FGF2: variants seen among roughly 807,000 people sequenced by gnomAD.
The protein encoded by FGF2 is fibroblast growth factor 2.
A neutral mutation model predicts 15.9 loss-of-function variants in FGF2; 13 were observed. That is an observed-to-expected ratio of 0.82 (90% CI 0.53 to 1.30). The LOEUF (loss-of-function observed/expected upper bound fraction) is 1.30, where lower values mean the gene tolerates loss of function less well. Ranked by LOEUF, FGF2 falls within the 50% of genes most tolerant of loss-of-function variation. FGF2 has a pLI of 0.00. For synonymous variants in FGF2, 90 were observed against 78.4 expected, an observed-to-expected ratio of 1.15 and a Z score of -0.78; for missense variants, 163 against 196.9, an observed-to-expected ratio of 0.83 and a Z score of 1.03.
rs778098774 is a variant in FGF2, at chr4:122,893,008, A to G, written c.*612A>G. 6.2e-7 allele frequency: 1 copy of G among 1,614,164 alleles called. No individual in the cohort carries two copies. Among genetic ancestry groups the G allele is most frequent in the South Asian group, 1.1e-5 (1 of 91,078 alleles). On this transcript the variant is annotated 3_prime_UTR_variant, in exon 3 of 3. Transcript: ENST00000644866. ...TGCTGGTGATGGGAGTTGTATTTTC[A>G]GTCTTCGCCAGGTCATTGAGATCCA...
At chr4:122,833,590 G>A (rs931584693) in intron 1 of FGF2, among the ~76,000 whole-genome samples, 4 of 152,098 alleles carry the variant, frequency 2.6e-5, no homozygotes, top group Non-Finnish European at 5.9e-5. Context: ...CCTTAAGGTA[G>A]GAACCATGAC....
intron 1 of FGF2, among the ~76,000 whole-genome samples, chr4:122,846,160 C>G (rs1027771835): frequency 6.6e-6 from 1 of 152,096 alleles, no homozygotes; most frequent in African/African-American, 2.4e-5. Context: ...AGAACACACA[C>G]GTTTATTAAG....
intron 1 of FGF2, among the ~76,000 whole-genome samples, chr4:122,830,027 T>C (rs1035377609): frequency 6.6e-6 from 1 of 152,220 alleles, no homozygotes; most frequent in Non-Finnish European, 1.5e-5. Context: ...GAAAAATCTA[T>C]GGTCTCATTC....
At chr4:122,844,628 TTTC>T (rs1279083890) in intron 1 of FGF2, among the ~76,000 whole-genome samples, 1 of 151,138 alleles carries the variant, frequency 6.6e-6, no homozygotes, top group South Asian at 2.1e-4. Context: ...TCTTTCTTCC[TTTC>T]TTCCTTTCTT....
Position 122,827,413 on chromosome 4 carries a change from C to T in FGF2, c.178+61C>T. ...TTTCGTGGGTTCTCGCCCGCTCTCT[C>T]CCCTCCAGCCTGCACCCTCCTCCCG... is the stretch of plus-strand genomic sequence containing the variant. On this transcript the variant is annotated intron_variant, in intron 1 of 2. Coordinates refer to ENST00000644866, the MANE Select transcript of FGF2 (RefSeq NM_001361665.2). The surrounding 1 kb of genome is among the most constrained non-coding windows in gnomAD (Gnocchi z 4.2). 1 of 1,569,078 alleles carries T rather than the reference C, an allele frequency of 6.4e-7. No individual in the cohort carries two copies. Among genetic ancestry groups the T allele is most frequent in the East Asian group, 2.3e-5 (1 of 44,386 alleles).
At chr4:122,834,512 T>A (rs1053890049) in intron 1 of FGF2, among the ~76,000 whole-genome samples, 1 of 152,190 alleles carries the variant, frequency 6.6e-6, no homozygotes, top group African/African-American at 2.4e-5. Context: ...CATGTGGCCT[T>A]TTCCAATTTT....
At chr4:122,891,508 TATG>T (rs1727188559) in intron 2 of FGF2, among the ~76,000 whole-genome samples, 3 of 151,558 alleles carry the variant, frequency 2.0e-5, no homozygotes, top group Non-Finnish European at 2.9e-5. Flanking sequence ...CAGAAATCAG[TATG>T]ATACTTACTT....
rs553357359 is a variant in FGF2 at position 122,891,202 on chromosome 4, G to A, written c.283-1009G>A. Among the ~76,000 whole-genome samples the A allele has an allele frequency of 3.9e-4, 59 of 151,020 alleles. No homozygotes were observed. The South Asian group carries it at 0.012, about 31-fold the overall frequency. The stretch of plus-strand genomic sequence containing the variant: ...ACTACAGGCGCCCGCCAACACGCCC[G>A]GCTAATTTTTTGTATTTTTAGTAGA... On this transcript the variant is annotated intron_variant, in intron 2 of 2. Transcript: ENST00000644866.
chr4:122,834,164 A>T (rs1326499972), intron 1 of FGF2, among the ~76,000 whole-genome samples: 1 of 152,212 alleles, frequency 6.6e-6, no homozygotes, highest in Non-Finnish European at 1.5e-5. Context: ...TTGATTCCCA[A>T]GTTACCACCC....
rs192236066 is a variant in FGF2, at chr4:122,859,738, A to T, written c.179-16583A>T. Among the ~76,000 whole-genome samples the T allele has an allele frequency of 3.3e-5, 5 of 152,268 alleles. No homozygotes were observed. The East Asian group carries it at 7.7e-4, about 23-fold the overall frequency. ...AGAAGGTAAGCTCAGTTACTTGGAG[A>T]TGAAGGCTGATTTTGAATCCAGGTC... On this transcript the variant is annotated intron_variant, in intron 1 of 2. Transcript: ENST00000644866.
At chr4:122,830,421 A>G (rs1045148231) in intron 1 of FGF2, among the ~76,000 whole-genome samples, 5 of 152,194 alleles carry the variant, frequency 3.3e-5, no homozygotes, top group African/African-American at 1.2e-4. Context: ...CTGAAGGTCA[A>G]CTGTGCTTCA....
intron 1 of FGF2, among the ~76,000 whole-genome samples, chr4:122,841,682 C>T (rs1578453920): frequency 6.6e-6 from 1 of 152,210 alleles, no homozygotes; most frequent in East Asian, 1.9e-4. Context: ...ACTAGTAAAA[C>T]GTCATGCTTC....
chr4:122,878,206 A>G (rs1726895002), intron 2 of FGF2, among the ~76,000 whole-genome samples: 1 of 152,220 alleles, frequency 6.6e-6, no homozygotes. Context: ...GCATAGTAAT[A>G]TAGGAAAGGA....
intron 1 of FGF2, among the ~76,000 whole-genome samples, chr4:122,833,888 T>A (rs1725814421): frequency 6.6e-6 from 1 of 152,230 alleles, no homozygotes; most frequent in Admixed American, 6.5e-5. Context: ...TTTCTTAGAA[T>A]AATCTAGAGA....
chr4:122,858,030 C>T (rs1026845014), intron 1 of FGF2, among the ~76,000 whole-genome samples: 1 of 152,142 alleles, frequency 6.6e-6, no homozygotes, highest in African/African-American at 2.4e-5. Context: ...AAGCTAGCTC[C>T]CTTCCTTTCT....
chr4:122,896,126 T>C lies in FGF2; in HGVS notation c.*3730T>C, dbSNP rs1407447891. The C allele has an allele frequency of 6.6e-6, 1 of 152,448 alleles. No homozygotes were observed. Among genetic ancestry groups the C allele is most frequent in the South Asian group, 2.1e-4 (1 of 4,820 alleles). 9.4% of individuals were successfully genotyped at this position (152,448 alleles called of 1,614,324 possible). A position where few individuals can be genotyped will look rare whatever the true frequency, so the allele number is the denominator to read the frequency against. On this transcript the variant is annotated 3_prime_UTR_variant, in exon 3 of 3. Transcript: ENST00000644866. ...CAGTTTTTTTCTTCTTAATTCCACA[T>C]GACTGAGGCATATATGATCTCTGGG...
At chr4:122,876,934 T>A (rs557744765) in intron 2 of FGF2, among the ~76,000 whole-genome samples, 7 of 152,214 alleles carry the variant, frequency 4.6e-5, no homozygotes, top group Admixed American at 2.0e-4. Flanking sequence ...CTGAGTTAGT[T>A]CTCTTACCTG....
At chr4:122,860,447 CTTTTTT>C (rs34541038) in intron 1 of FGF2, among the ~76,000 whole-genome samples, 9 of 90,930 alleles carry the variant, frequency 9.9e-5, no homozygotes, top group Admixed American at 1.7e-4. Flanking sequence ...CTAAGGTTAA[CTTTTTT>C]TTTTTTTTTT....
chr4:122,874,272 T>G (rs1726794926), intron 1 of FGF2, among the ~76,000 whole-genome samples: 1 of 152,262 alleles, frequency 6.6e-6, no homozygotes, highest in Admixed American at 6.5e-5. Flanking sequence ...AAACAAAGCT[T>G]ATTTTCTGCA....
Sources: allele counts gnomAD v4.1 joint callset (sites outside exome capture counted in the v4.1 genomes callset), GRCh38; gene constraint gnomAD v4.1.1; non-coding constraint Gnocchi (gnomAD v3.1); transcripts MANE v1.5; gene names NCBI Gene and HGNC (gene_info 2026-07-23, HGNC 2026-07-21).